Variants in BEST3 observed in about 807,000 individuals in gnomAD.
The protein encoded by BEST3 is bestrophin-3.
BEST3 carries 50 observed loss-of-function variants against 47.1 expected under a neutral mutation model. The ratio of observed to expected loss-of-function variants is 1.06; its 90% CI spans 0.85 to 1.34. The LOEUF (loss-of-function observed/expected upper bound fraction) is 1.34, where lower values mean the gene tolerates loss of function less well. BEST3 is among the 40% of genes most tolerant of loss of function. The pLI is 0.00. For synonymous variants in BEST3, 282 were observed against 298.8 expected, an observed-to-expected ratio of 0.94 and a Z score of 0.58; for missense variants, 765 against 817.0, an observed-to-expected ratio of 0.94 and a Z score of 0.78.
chr12:69,680,499 G>T (rs560931837), intron 4 of BEST3, among the ~76,000 whole-genome samples: 3 of 151,586 alleles, frequency 2.0e-5, no homozygotes, highest in Non-Finnish European at 2.9e-5. Context: ...TAGTAGAGAC[G>T]GGGTTTCACC....
At chr12:69,652,593 A>T (rs1318458921), downstream of BEST3, among the ~76,000 whole-genome samples, 1 of 152,234 alleles carries the variant, frequency 6.6e-6, no homozygotes, top group East Asian at 1.9e-4. Context: ...TGAGGAAATT[A>T]AAAAATTATC....
At chr12:69,672,281 G>T (rs924738222) in intron 8 of BEST3, among the ~76,000 whole-genome samples, 2 of 152,240 alleles carry the variant, frequency 1.3e-5, no homozygotes, top group Non-Finnish European at 2.9e-5. Context: ...AAATGTGAAG[G>T]CCTTCACAGG....
At chr12:69,670,916 A>G (rs1884529632) in intron 9 of BEST3, among the ~76,000 whole-genome samples, 1 of 152,168 alleles carries the variant, frequency 6.6e-6, no homozygotes, top group Non-Finnish European at 1.5e-5. Flanking sequence ...CACTTCTCCA[A>G]TATCAAATAC....
rs375857714 is a variant in BEST3, at chr12:69,655,760, T to C, written c.1154A>G (p.His385Arg). Residue 385 changes from histidine to arginine, a missense_variant, in exon 10 of 10, where the codon CAT becomes CGT. By Grantham distance (29) the His-to-Arg change is conservative. Coordinates refer to ENST00000330891, the MANE Select transcript of BEST3 (RefSeq NM_032735.3). ...DEEWLWDYEK[H>R]GHRHSMIRRV... is the part of the protein sequence containing the mutation. ...TCTTATCATGGAATGCCGATGGCCA[T>C]GCTTCTCATAATCCCACAGCCACTC... is the stretch of plus-strand genomic sequence containing the variant. 1 of 1,613,730 alleles carries C rather than the reference T, an allele frequency of 6.2e-7. No homozygotes were observed. The highest frequency in any genetic ancestry group is 1.3e-5 in the African/African-American group (1 of 75,008).
intron 4 of BEST3, among the ~76,000 whole-genome samples, chr12:69,681,604 T>C (rs1274112551): frequency 1.3e-5 from 2 of 152,180 alleles, no homozygotes; most frequent in South Asian, 4.1e-4. Flanking sequence ...TCTAGATCTT[T>C]GATGTGACTT....
At chr12:69,650,215 T>C (rs928135453), downstream of BEST3, among the ~76,000 whole-genome samples, 1 of 152,100 alleles carries the variant, frequency 6.6e-6, no homozygotes, top group Non-Finnish European at 1.5e-5. Flanking sequence ...GAGGTGAATG[T>C]TTGTTAGGAT....
intron 4 of BEST3, chr12:69,684,719 G>C: frequency 2.1e-6 from 1 of 470,476 alleles, no homozygotes. Context: ...TTTTCCAAAT[G>C]AATGGAATGA....
At chr12:69,658,260 T>C (rs1009479700) in intron 9 of BEST3, among the ~76,000 whole-genome samples, 1 of 152,220 alleles carries the variant, frequency 6.6e-6, no homozygotes, top group African/African-American at 2.4e-5. Context: ...AAAGTTTATA[T>C]TTTTAATACT....
At chr12:69,643,779 A>G (rs1054106226) in exon 10 of BEST3, 3 of 715,262 alleles carry the variant, frequency 4.2e-6, no homozygotes, top group Non-Finnish European at 7.8e-6. Flanking sequence ...ATTCTTAGGC[A>G]TCTGTTTCCT....
At chr12:69,678,992 T>G in intron 4 of BEST3, 99 bp from the exon 5 acceptor site, 3 of 990,636 alleles carry the variant, frequency 3.0e-6, no homozygotes, top group Non-Finnish European at 4.4e-6. Flanking sequence ...AATGAGGGGA[T>G]ATTAAAGAAA....
chr12:69,676,073 A>C (rs960341477), intron 7 of BEST3, among the ~76,000 whole-genome samples: 2 of 152,188 alleles, frequency 1.3e-5, no homozygotes, highest in African/African-American at 4.8e-5. Context: ...ATATTTACAC[A>C]CATACATTTG....
rs953710491 is a variant in BEST3, at chr12:69,699,264, C to T, written c.-75G>A. ...AGAATCTTCAAATTTCGGGCTCCCC[C>T]GAAGAGGTGCCTTCAGGTCGGTGCT... On this transcript the variant is annotated 5_prime_UTR_variant, in exon 1 of 10. Coordinates refer to ENST00000330891, the MANE Select transcript of BEST3 (RefSeq NM_032735.3). 1.4e-5 allele frequency: 14 copies of T among 985,312 alleles called. No individual in the cohort carries two copies. The highest frequency in any genetic ancestry group is 4.7e-5 in the South Asian group (1 of 21,294). 61.0% of individuals were successfully genotyped at this position (985,312 alleles called of 1,614,324 possible). A position where few individuals can be genotyped will look rare whatever the true frequency, so the allele number is the denominator to read the frequency against.
At chr12:69,671,771 A>T (rs1227293809) in intron 8 of BEST3, among the ~76,000 whole-genome samples, 192 bp from the exon 9 acceptor site, 4 of 152,120 alleles carry the variant, frequency 2.6e-5, no homozygotes, top group East Asian at 1.9e-4. Flanking sequence ...ACTACTCGAG[A>T]GCACTTGGCG....
At chr12:69,693,132 A>G (rs1222083637) in intron 4 of BEST3, among the ~76,000 whole-genome samples, 1 of 152,138 alleles carries the variant, frequency 6.6e-6, no homozygotes, top group Non-Finnish European at 1.5e-5. Context: ...AGTAAACTTG[A>G]GGGCAGGAAC....
At position 69,655,148 on chromosome 12, in the gene BEST3, C is replaced by CT; in HGVS notation, c.1765dup (p.Arg589LysfsTer32). 1 of 1,614,128 alleles carries CT rather than the reference C, an allele frequency of 6.2e-7. No individual in the cohort carries two copies. On this transcript the variant is annotated frameshift_variant, in exon 10 of 10. Coordinates refer to ENST00000330891, the MANE Select transcript of BEST3 (RefSeq NM_032735.3). LOFTEE classifies it low-confidence loss of function (END_TRUNC). The stretch of plus-strand genomic sequence containing the variant: ...CCCCAGGAATCCCGGAAGACTCCAC[C>CT]TTTTTAGAAAGGTATCACCAGGGTC...
chr12:69,682,139 T>C (rs1885295208), intron 4 of BEST3, among the ~76,000 whole-genome samples: 1 of 151,714 alleles, frequency 6.6e-6, no homozygotes, highest in Non-Finnish European at 1.5e-5. Context: ...CCTTAGAGAT[T>C]CTGATTCAAT....
chr12:69,656,658 T>A (rs1306416996), intron 9 of BEST3, among the ~76,000 whole-genome samples: 2 of 152,200 alleles, frequency 1.3e-5, no homozygotes, highest in Non-Finnish European at 2.9e-5. Flanking sequence ...TGTATTACTA[T>A]AAAGTGAGGT....
At chr12:69,673,121 C>T (rs946053225) in intron 7 of BEST3, among the ~76,000 whole-genome samples, 156 bp from the exon 8 acceptor site, 4 of 152,130 alleles carry the variant, frequency 2.6e-5, no homozygotes, top group Non-Finnish European at 5.9e-5. Context: ...TATTTATTAG[C>T]GAGCAAGACA....
At chr12:69,681,356 C>A (rs1191994801) in intron 4 of BEST3, among the ~76,000 whole-genome samples, 1 of 152,120 alleles carries the variant, frequency 6.6e-6, no homozygotes, top group African/African-American at 2.4e-5. Context: ...GTGGCTCATG[C>A]CTATAATCCC....
Sources: gnomAD v4.1 joint callset for allele counts (sites outside exome capture counted in the v4.1 genomes callset) on GRCh38, gnomAD v4.1.1 for gene constraint, MANE v1.5 for transcripts, NCBI Gene and HGNC (gene_info 2026-07-23, HGNC 2026-07-21) for gene names.